Variants in BCL11B observed in about 807,000 individuals in gnomAD.
BCL11B encodes B-cell lymphoma/leukemia 11B.
Under a neutral mutation model 49.9 loss-of-function variants are expected in BCL11B, and 8 were observed. That is an observed-to-expected ratio of 0.16 (90% CI 0.09 to 0.29). The LOEUF (loss-of-function observed/expected upper bound fraction) is 0.29, where lower values mean the gene tolerates loss of function less well. Among genes scored for constraint, BCL11B ranks in the 10% least tolerant of loss-of-function variants. BCL11B has a pLI of 1.00. For missense variants in BCL11B, 1,006 were observed against 1,351.0 expected (o/e 0.74, Z 4.00); for synonymous variants, 739 against 637.4 (o/e 1.16, Z -2.40).
chr14:99,190,019 C>T (rs1886975658), intron 3 of BCL11B, among the ~76,000 whole-genome samples: 2 of 152,190 alleles, frequency 1.3e-5, no homozygotes, highest in African/African-American at 2.4e-5. Flanking sequence ...CAAGGCACTC[C>T]AAGAAGCCCA....
At chr14:99,191,728 A>C (rs2139798511) in intron 3 of BCL11B, among the ~76,000 whole-genome samples, 1 of 152,150 alleles carries the variant, frequency 6.6e-6, no homozygotes, top group East Asian at 1.9e-4. Flanking sequence ...ACCAAAAAAA[A>C]AAAAATGCTC....
chr14:99,172,467 T>C lies in BCL11B; in HGVS notation c.*1684A>G. The C allele has an allele frequency of 4.8e-6, 1 of 209,192 alleles. No individual in the cohort carries two copies. The highest frequency in any genetic ancestry group is 9.7e-6 in the Non-Finnish European group (1 of 102,624). The allele number at this position is 209,192 out of a possible 1,614,324, so 13.0% of individuals were successfully genotyped here. A position where few individuals can be genotyped will look rare whatever the true frequency, so the allele number is the denominator to read the frequency against. On this transcript the variant is annotated 3_prime_UTR_variant, in exon 4 of 4. Coordinates refer to ENST00000357195, the MANE Select transcript of BCL11B (RefSeq NM_138576.4). The stretch of plus-strand genomic sequence containing the variant: ...TCTAAAGAATGTACTTTTCTTGTTT[T>C]ACTTTTTTAAAAAGTCTTTTCATTT...
chr14:99,235,646 C>T (rs1390036351), intron 2 of BCL11B, among the ~76,000 whole-genome samples: 1 of 124,444 alleles, frequency 8.0e-6, no homozygotes, highest in Non-Finnish European at 1.5e-5. Flanking sequence ...TTTTTCTCTC[C>T]CCCCTCTCTT....
At position 99,173,620 on chromosome 14, in the gene BCL11B, A is replaced by C; in HGVS notation, c.*531T>G. The C allele has an allele frequency of 4.7e-6, 1 of 213,914 alleles. No homozygotes were observed. The allele number at this position is 213,914 out of a possible 1,614,324, so 13.3% of individuals were successfully genotyped here. Reference sequence around the variant, plus strand: ...CCACTTTTTATTTCAGGACAAAAAAAAGGAAGGAATGAAAAAGTAAACAAC... The same window carrying C: ...CCACTTTTTATTTCAGGACAAAAAACAGGAAGGAATGAAAAAGTAAACAAC... On this transcript the variant is annotated 3_prime_UTR_variant, in exon 4 of 4. Coordinates refer to ENST00000357195, the MANE Select transcript of BCL11B (RefSeq NM_138576.4).
At chr14:99,227,567 C>A (rs1009695233) in intron 3 of BCL11B, among the ~76,000 whole-genome samples, 2 of 152,216 alleles carry the variant, frequency 1.3e-5, no homozygotes, top group African/African-American at 4.8e-5. Flanking sequence ...ATGTCCCACG[C>A]CCTGCCCTGG....
chr14:99,196,810 G>C (rs139164066), intron 3 of BCL11B, among the ~76,000 whole-genome samples: 3 of 152,366 alleles, frequency 2.0e-5, no homozygotes, highest in Admixed American at 6.5e-5. Context: ...TGCTTGCCAA[G>C]GCTGTGTGAT....
chr14:99,189,908 G>A (rs74080344), intron 3 of BCL11B, among the ~76,000 whole-genome samples: 2 of 152,278 alleles, frequency 1.3e-5, no homozygotes, highest in East Asian at 1.9e-4. Context: ...CAGGCCCAGG[G>A]GAGGTGGAGT....
intron 3 of BCL11B, among the ~76,000 whole-genome samples, chr14:99,198,912 T>C (rs1337310390): frequency 6.6e-6 from 1 of 152,042 alleles, no homozygotes. Flanking sequence ...AGGTCAGCCA[T>C]CCCCAGGTGC....
rs756798054 is a variant in BCL11B at position 99,176,057 on chromosome 14, G to T, written c.779C>A (p.Thr260Lys). The T allele has an allele frequency of 6.2e-7, 1 of 1,600,898 alleles. No individual in the cohort carries two copies. The highest frequency in any genetic ancestry group is 8.5e-7 in the Non-Finnish European group (1 of 1,173,624). ...LEPGPASSSLTPRLTIPPPLG... is the reference protein window; with the variant it reads ...LEPGPASSSLKPRLTIPPPLG... ...CGGCGGCGGGATGGTGAGCCGCGGC[G>T]TGAGCGAGCTGCTGGCCGGCCCGGG... The change falls in exon 4 of 4, where the codon ACG becomes AAG. Residue 260 changes from threonine (T) to lysine (K), a missense_variant. Around this residue, in one of 6 missense-constraint regions of BCL11B, gnomAD observed 411 missense variants for 542.2 expected, o/e 0.76. Coordinates refer to ENST00000357195, the MANE Select transcript of BCL11B (RefSeq NM_138576.4).
At chr14:99,254,218 C>T (rs568764261) in intron 2 of BCL11B, among the ~76,000 whole-genome samples, 1 of 152,354 alleles carries the variant, frequency 6.6e-6, no homozygotes, top group East Asian at 1.9e-4. Context: ...GAAAACAAAG[C>T]TTCAGAAACT....
intron 1 of BCL11B, among the ~76,000 whole-genome samples, chr14:99,269,526 CAA>C (rs1555385241): frequency 1.7e-4 from 25 of 148,102 alleles, no homozygotes; most frequent in South Asian, 1.5e-3. Flanking sequence ...CCCCCCCCCC[CAA>C]AAAAAATCAT....
chr14:99,243,452 T>A (rs1380302047), intron 2 of BCL11B, among the ~76,000 whole-genome samples: 1 of 152,234 alleles, frequency 6.6e-6, no homozygotes, highest in African/African-American at 2.4e-5. Flanking sequence ...TATGATGTCT[T>A]TGAAATCAGC....
At chr14:99,260,832 G>A (rs1889314499) in intron 1 of BCL11B, among the ~76,000 whole-genome samples, 1 of 151,984 alleles carries the variant, frequency 6.6e-6, no homozygotes, top group South Asian at 2.1e-4. Flanking sequence ...CAACCAACCT[G>A]GGAGCCAGGC....
chr14:99,231,680 C>T lies in BCL11B; in HGVS notation c.428-123G>A. 9.6e-7 allele frequency: 1 copy of T among 1,044,144 alleles called. No homozygotes were observed. Among genetic ancestry groups the T allele is most frequent in the South Asian group, 1.5e-5 (1 of 67,558 alleles). The allele number at this position is 1,044,144 out of a possible 1,614,324, so 64.7% of individuals were successfully genotyped here. A position where few individuals can be genotyped will look rare whatever the true frequency, so the allele number is the denominator to read the frequency against. ...GCCACCCTTCGGGGGTGGGAGGCCC[C>T]CGGGGTGCCAGGCCCTGCAGGGAAG... On this transcript the variant is annotated intron_variant, in intron 2 of 3. Coordinates refer to ENST00000357195, the MANE Select transcript of BCL11B (RefSeq NM_138576.4). This position sits in a 1 kb window ranked among gnomAD's most constrained non-coding sequence, Gnocchi z 8.1.
In BCL11B at chr14:99,172,111, A is replaced by T; in HGVS notation, c.*2040T>A. 1 of 221,832 alleles carries T rather than the reference A, an allele frequency of 4.5e-6. No homozygotes were observed. Among genetic ancestry groups the T allele is most frequent in the East Asian group, 6.6e-5 (1 of 15,158 alleles). The allele number at this position is 221,832 out of a possible 1,614,324, so 13.7% of individuals were successfully genotyped here. A position where few individuals can be genotyped will look rare whatever the true frequency, so the allele number is the denominator to read the frequency against. The stretch of plus-strand genomic sequence containing the variant: ...TACCCTTGTATGTACCCAATACTGT[A>T]AACGTATTTTTAAGACAGAGTGCAC... On this transcript the variant is annotated 3_prime_UTR_variant, in exon 4 of 4. Coordinates refer to ENST00000357195, the MANE Select transcript of BCL11B (RefSeq NM_138576.4).
intron 3 of BCL11B, among the ~76,000 whole-genome samples, chr14:99,220,083 T>C (rs1887964157): frequency 6.6e-6 from 1 of 152,066 alleles, no homozygotes; most frequent in Non-Finnish European, 1.5e-5. Flanking sequence ...CAAAAAACAC[T>C]AAAATTACCC....
chr14:99,220,260 T>C (rs1291224758), intron 3 of BCL11B, among the ~76,000 whole-genome samples: 3 of 152,186 alleles, frequency 2.0e-5, no homozygotes, highest in Non-Finnish European at 4.4e-5. Flanking sequence ...CCAAAAGAAC[T>C]GAAAGCAAGG....
At position 99,202,705 on chromosome 14, in the gene BCL11B, C is replaced by T. The variant is rs549639539; in HGVS notation, c.641-26510G>A. ...AGCTCAAGTCTAACAGTCCTCCTGGCTACAGGGCAGTCCAACCTCCCCAGC... is the reference window on the plus strand; with the variant it reads ...AGCTCAAGTCTAACAGTCCTCCTGGTTACAGGGCAGTCCAACCTCCCCAGC... On this transcript the variant is annotated intron_variant, in intron 3 of 3. Transcript: ENST00000357195. Among the ~76,000 whole-genome samples the T allele has an allele frequency of 2.0e-5, 3 of 152,322 alleles. No individual in the cohort carries two copies. The East Asian group carries it at 5.8e-4, about 29-fold the overall frequency.
chr14:99,189,118 T>TAG (rs993807580), intron 3 of BCL11B, among the ~76,000 whole-genome samples: 2 of 152,246 alleles, frequency 1.3e-5, no homozygotes, highest in African/African-American at 4.8e-5. Flanking sequence ...ATGGTAATTC[T>TAG]AATGTCAGAT....
Sources: allele counts gnomAD v4.1 joint callset (sites outside exome capture counted in the v4.1 genomes callset), GRCh38; gene constraint gnomAD v4.1.1; regional missense constraint gnomAD v4.1.1; non-coding constraint Gnocchi (gnomAD v3.1); transcripts MANE v1.5; gene names NCBI Gene and HGNC (gene_info 2026-07-23, HGNC 2026-07-21).